Variants in ZNF226 observed in about 807,000 individuals in gnomAD.
ZNF226 encodes Kruppel-associated box protein.
In ZNF226, 6 loss-of-function variants were observed where a neutral mutation model predicts 11.4. That is an observed-to-expected ratio of 0.53 (90% CI 0.29 to 1.04). The LOEUF (loss-of-function observed/expected upper bound fraction) is 1.04. Among genes scored for constraint, ZNF226 ranks in the 50% least tolerant of loss-of-function variants. ZNF226 has a pLI of 0.08. For synonymous variants in ZNF226, 350 were observed against 322.8 expected (o/e 1.08, Z -0.90); for missense variants, 1,058 against 956.5 (o/e 1.11, Z -1.40).
chr19:44,199,158 TTTG>T, the ZNF226 span, among the ~76,000 whole-genome samples: 4 of 152,230 alleles, frequency 2.6e-5, no homozygotes, highest in South Asian at 8.3e-4. Context: ...CAAATCTTCC[TTTG>T]TTGTTGTGTT....
At chr19:44,181,917 G>T (rs375590200), downstream of ZNF226, among the ~76,000 whole-genome samples, 2 of 152,226 alleles carry the variant, frequency 1.3e-5, 1 homozygote, top group Admixed American at 1.3e-4. Context: ...TAGAAAATAC[G>T]ACCATGAGGA....
chr19:44,177,725 A>C, downstream of ZNF226: 8 of 1,515,284 alleles, frequency 5.3e-6, no homozygotes, highest in Non-Finnish European at 6.2e-6. Context: ...TCAAGTCTCA[A>C]AGTCAGTGTT....
chr19:44,199,016 GGGTC>G, the ZNF226 span, among the ~76,000 whole-genome samples: 10 of 151,748 alleles, frequency 6.6e-5, no homozygotes, highest in South Asian at 4.2e-4. Context: ...TTGGCCAGGT[GGGTC>G]TTGAACTCCT....
chr19:44,174,831 A>G, intron 5 of ZNF226: 1 of 617,262 alleles, frequency 1.6e-6, no homozygotes, highest in Non-Finnish European at 2.6e-6. Flanking sequence ...AGAAGGATCC[A>G]GTGCATAGGT....
downstream of ZNF226, chr19:44,177,844 C>A: frequency 1.3e-6 from 1 of 762,206 alleles, no homozygotes; most frequent in Non-Finnish European, 2.0e-6. Context: ...TAAAATGTTA[C>A]TTAGAAGAGG....
downstream of ZNF226, among the ~76,000 whole-genome samples, chr19:44,180,144 A>G (rs1228209565): frequency 1.3e-5 from 2 of 151,586 alleles, no homozygotes; most frequent in East Asian, 3.9e-4. Context: ...CAGAAGCTAT[A>G]GAGTGGAAAT....
rs1384950795 is a variant in ZNF226 at position 44,175,877 on chromosome 19, C to T, written c.615C>T (p.Pro205=). ...KLCQCKKGVD[P]IGWISHHDGH... ...GTCAATGTAAGAAGGGTGTTGATCC[C>T]ATCGGTTGGATTTCACATCATGATG... Residue 205 remains proline (P), a synonymous_variant, in exon 6 of 6, where the codon CCC becomes CCT. Transcript: ENST00000337433. 2 of 1,612,970 alleles carry T rather than the reference C, an allele frequency of 1.2e-6. No individual in the cohort carries two copies. The highest frequency in any genetic ancestry group is 8.5e-7 in the Non-Finnish European group (1 of 1,179,572).
At chr19:44,189,176 T>C in the ZNF226 span, among the ~76,000 whole-genome samples, 1 of 152,194 alleles carries the variant, frequency 6.6e-6, no homozygotes, top group Non-Finnish European at 1.5e-5. Context: ...CATTATTGTG[T>C]TAGGAGTTGT....
the ZNF226 span, among the ~76,000 whole-genome samples, chr19:44,192,148 G>C: frequency 4.3e-4 from 65 of 152,324 alleles, no homozygotes; most frequent in Middle Eastern, 0.014. Flanking sequence ...CAGCAATTCA[G>C]ACACATCAAG....
chr19:44,167,572 G>A (rs897746451), intron 2 of ZNF226, among the ~76,000 whole-genome samples: 2 of 151,878 alleles, frequency 1.3e-5, no homozygotes, highest in African/African-American at 4.8e-5. Flanking sequence ...CACCCACCTC[G>A]GCCTCCCAAA....
Position 44,177,302 on chromosome 19 carries a change from C to T in ZNF226, c.2040C>T (p.Phe680=), listed in dbSNP as rs1268787599. ...PYKCDECGKG[F]KWSLNLDMHQ... is the part of the protein sequence containing the mutation. ...AATGTGATGAGTGTGGGAAGGGCTT[C>T]AAGTGGAGCTTGAACCTTGACATGC... Residue 680 remains phenylalanine (F), a synonymous_variant, in exon 6 of 6, where the codon TTC becomes TTT. Coordinates refer to ENST00000337433, the MANE Select transcript of ZNF226 (RefSeq NM_001032373.2). The T allele has an allele frequency of 1.2e-6, 2 of 1,614,092 alleles. No homozygotes were observed. Among genetic ancestry groups the T allele is most frequent in the Non-Finnish European group, 1.7e-6 (2 of 1,180,008 alleles).
At chr19:44,171,533 T>C (rs1297986211) in intron 3 of ZNF226, among the ~76,000 whole-genome samples, 2 of 152,218 alleles carry the variant, frequency 1.3e-5, no homozygotes, top group Non-Finnish European at 2.9e-5. Flanking sequence ...ACAGCAACTA[T>C]GAAGAGGTTC....
chr19:44,178,876 A>G (rs187116464), downstream of ZNF226, among the ~76,000 whole-genome samples: 5 of 152,148 alleles, frequency 3.3e-5, no homozygotes, highest in East Asian at 9.6e-4. Context: ...AGAGTGTAAC[A>G]GTTTAGTTTA....
chr19:44,181,141 G>A (rs1226091761), downstream of ZNF226, among the ~76,000 whole-genome samples: 3 of 152,190 alleles, frequency 2.0e-5, no homozygotes, highest in Non-Finnish European at 4.4e-5. Flanking sequence ...CCCTTTGGGA[G>A]GCTGAGGTGG....
chr19:44,167,335 T>TG (rs1969512430), intron 2 of ZNF226, among the ~76,000 whole-genome samples: 1 of 149,448 alleles, frequency 6.7e-6, no homozygotes, highest in African/African-American at 2.5e-5. Flanking sequence ...TTTTTTTTTT[T>TG]GAGGCAGAGT....
chr19:44,177,897 T>C (rs561870980), downstream of ZNF226: 7 of 466,332 alleles, frequency 1.5e-5, no homozygotes, highest in Non-Finnish European at 2.6e-5. Context: ...TATAAAAGTA[T>C]CATGGTGGAC....
downstream of ZNF226, among the ~76,000 whole-genome samples, chr19:44,181,258 T>C (rs536740319): frequency 1.3e-5 from 2 of 152,234 alleles, no homozygotes; most frequent in Admixed American, 1.3e-4. Context: ...GGCACACATG[T>C]GTGGTTCCAG....
At chr19:44,175,146 T>A (rs1374407894) in intron 5 of ZNF226, 1 of 1,521,350 alleles carries the variant, frequency 6.6e-7, no homozygotes, top group Non-Finnish European at 8.7e-7. Flanking sequence ...TGCCGGGCAG[T>A]AACTTCTGGG....
At chr19:44,185,407 C>G in the ZNF226 span, among the ~76,000 whole-genome samples, 1 of 152,188 alleles carries the variant, frequency 6.6e-6, no homozygotes, top group Non-Finnish European at 1.5e-5. Flanking sequence ...CTTGACAACA[C>G]TTGTTATTTT....
Sources: gnomAD v4.1 joint callset for allele counts (sites outside exome capture counted in the v4.1 genomes callset) on GRCh38, gnomAD v4.1.1 for gene constraint, MANE v1.5 for transcripts, NCBI Gene and HGNC (gene_info 2026-07-23, HGNC 2026-07-21) for gene names.